GRK1: variants seen among roughly 807,000 people sequenced by gnomAD.
GRK1 encodes rhodopsin kinase GRK1.
In GRK1, 28 loss-of-function variants were observed where a neutral mutation model predicts 41.7. The observed-to-expected ratio is 0.67, with a 90% CI of 0.50 to 0.92. The LOEUF is 0.92. Among genes scored for constraint, GRK1 ranks in the 40% least tolerant of loss-of-function variants. The pLI, the probability that GRK1 is intolerant of heterozygous loss-of-function variation, is 0.00. For missense variants in GRK1, 703 were observed against 671.2 expected (o/e 1.05, Z -0.52); for synonymous variants, 327 against 286.7 (o/e 1.14, Z -1.42).
At chr13:113,667,010 C>A (rs1022510445), upstream of GRK1, 8 of 182,324 alleles carry the variant, frequency 4.4e-5, no homozygotes, top group South Asian at 1.4e-4. This position sits in a 1 kb window ranked among gnomAD's most constrained non-coding sequence, Gnocchi z 7.5. Context: ...CCAGGGGCCC[C>A]AGAAGCCTGG....
At chr13:113,650,667 A>G in the GRK1 span, among the ~76,000 whole-genome samples, 1 of 152,144 alleles carries the variant, frequency 6.6e-6, no homozygotes, top group Non-Finnish European at 1.5e-5. The surrounding 1 kb of genome is among the most constrained non-coding windows in gnomAD (Gnocchi z 5.0). Context: ...CTTTCTAATC[A>G]GTGCTGAGAT....
intron 4 of GRK1, among the ~76,000 whole-genome samples, chr13:113,727,808 G>T (rs1388445192): frequency 2.3e-4 from 10 of 43,952 alleles, no homozygotes; most frequent in African/African-American, 6.9e-4. Context: ...GAGGACCCAT[G>T]GCGATGAGGA....
intron 6 of GRK1, chr13:113,734,565 G>T (rs184987238): frequency 1.3e-5 from 2 of 152,872 alleles, no homozygotes; most frequent in Admixed American, 1.3e-4. Context: ...AGTGATGTCT[G>T]TGACCGGCTG....
the GRK1 span, chr13:113,658,299 C>T: frequency 2.8e-5 from 19 of 670,666 alleles, no homozygotes; most frequent in Admixed American, 1.8e-4. Flanking sequence ...CGTTTATCAG[C>T]GCCGGCCATC....
the GRK1 span, chr13:113,652,959 C>T: frequency 1.2e-6 from 2 of 1,614,232 alleles, no homozygotes; most frequent in Non-Finnish European, 1.7e-6. Flanking sequence ...TGCAGCATAT[C>T]TGCCGTGAAC....
chr13:113,734,878 G>A (rs2049991218), intron 6 of GRK1, 190 bp from the exon 7 acceptor site: 6 of 508,682 alleles, frequency 1.2e-5, no homozygotes, highest in Non-Finnish European at 2.0e-5. Flanking sequence ...CAGCTGTGTG[G>A]TCTCAGGGGA....
intron 4 of GRK1, among the ~76,000 whole-genome samples, chr13:113,728,000 G>GGAA (rs1334339073): frequency 1.4e-5 from 1 of 69,626 alleles, no homozygotes; most frequent in East Asian, 3.8e-4. Context: ...ATGGCGATGA[G>GGAA]TACCCATGGC....
upstream of GRK1, among the ~76,000 whole-genome samples, chr13:113,666,458 C>T (rs1407261016): frequency 6.6e-6 from 1 of 151,602 alleles, no homozygotes; most frequent in Non-Finnish European, 1.5e-5. Flanking sequence ...CCAGGTGTTC[C>T]CCAGGTGTGT....
chr13:113,734,120 C>T (rs1566700748), intron 6 of GRK1, among the ~76,000 whole-genome samples: 1 of 152,200 alleles, frequency 6.6e-6, no homozygotes, highest in Admixed American at 6.5e-5. Context: ...CACAGCCATA[C>T]CCTCTAGGAC....
chr13:113,649,962 A>C, the GRK1 span, among the ~76,000 whole-genome samples: 2 of 152,104 alleles, frequency 1.3e-5, no homozygotes, highest in Non-Finnish European at 2.9e-5. The surrounding 1 kb of genome is among the most constrained non-coding windows in gnomAD (Gnocchi z 4.7). Context: ...CAGGAGTTCA[A>C]GACCACCCTG....
rs2049996976 is a variant in GRK1, at chr13:113,735,448, T to A, written c.*85T>A. On this transcript the variant is annotated 3_prime_UTR_variant, in exon 7 of 7. Transcript: ENST00000335678. Reference sequence around the variant, plus strand: ...GCCTCCGTGGTGCCAGCCTGGGGTCTGCTAGCAAGGGGACACGTGGTTCCC... The same window carrying A: ...GCCTCCGTGGTGCCAGCCTGGGGTCAGCTAGCAAGGGGACACGTGGTTCCC... 2.9e-6 allele frequency: 4 copies of A among 1,383,304 alleles called. No homozygotes were observed. Among genetic ancestry groups the A allele is most frequent in the Non-Finnish European group, 3.8e-6 (4 of 1,055,952 alleles). 85.7% of individuals were successfully genotyped at this position (1,383,304 alleles called of 1,614,324 possible).
At position 113,668,623 on chromosome 13, in the gene GRK1, C is replaced by T. The variant is rs138863610; in HGVS notation, c.699+538C>T. Reference sequence around the variant, plus strand: ...CGGGGGTGGGAGTGAGCGACGGGCACGCAGGCCGCTCTAAGTTTCATCCGC... The same window carrying T: ...CGGGGGTGGGAGTGAGCGACGGGCATGCAGGCCGCTCTAAGTTTCATCCGC... On this transcript the variant is annotated intron_variant, in intron 1 of 6. Coordinates refer to ENST00000335678, the MANE Select transcript of GRK1 (RefSeq NM_002929.3). Among the ~76,000 whole-genome samples, 6 of 152,236 alleles carry T rather than the reference C, an allele frequency of 3.9e-5. No homozygotes were observed. The South Asian group carries it at 6.2e-4, about 16-fold the overall frequency.
chr13:113,658,024 C>G, the GRK1 span: 125 of 1,591,188 alleles, frequency 7.9e-5, 1 homozygote, highest in South Asian at 6.8e-4. Context: ...GCCCGCCCCC[C>G]GCACGTACCC....
At chr13:113,650,626 T>C in the GRK1 span, 4 of 662,874 alleles carry the variant, frequency 6.0e-6, no homozygotes, top group Non-Finnish European at 1.0e-5. This position sits in a 1 kb window ranked among gnomAD's most constrained non-coding sequence, Gnocchi z 5.0. Flanking sequence ...ATAAACACTT[T>C]ATTGCATACT....
At chr13:113,656,336 G>C in the GRK1 span, among the ~76,000 whole-genome samples, 2 of 152,322 alleles carry the variant, frequency 1.3e-5, no homozygotes, top group South Asian at 4.1e-4. Context: ...CTGCTCTGGG[G>C]CCCGTGGTGC....
chr13:113,652,749 C>G, the GRK1 span: 1 of 1,117,018 alleles, frequency 9.0e-7, no homozygotes, highest in Admixed American at 2.0e-5. Flanking sequence ...GGTGGTGAGG[C>G]TGGAGTCCCT....
Position 113,737,715 on chromosome 13 carries a change from T to A in GRK1, c.*2352T>A, listed in dbSNP as rs2050014806. Reference sequence around the variant, plus strand: ...TGGGAAGCAAACCTGGACTGCAAAATAAACCTCCCGGCCTCCTCCTGTCCT... The same window carrying A: ...TGGGAAGCAAACCTGGACTGCAAAAAAAACCTCCCGGCCTCCTCCTGTCCT... On this transcript the variant is annotated 3_prime_UTR_variant, in exon 7 of 7. Transcript: ENST00000335678. 6.5e-6 allele frequency: 1 copy of A among 152,754 alleles called. No homozygotes were observed. The highest frequency in any genetic ancestry group is 1.9e-4 in the East Asian group (1 of 5,194). 9.5% of individuals were successfully genotyped at this position (152,754 alleles called of 1,614,324 possible). A position where few individuals can be genotyped will look rare whatever the true frequency, so the allele number is the denominator to read the frequency against.
At chr13:113,654,670 T>G in the GRK1 span, 1 of 1,300,970 alleles carries the variant, frequency 7.7e-7, no homozygotes, top group Non-Finnish European at 1.0e-6. Flanking sequence ...CCTGCTGGGG[T>G]GTGTGGCTCA....
At chr13:113,653,072 C>A in the GRK1 span, 1 of 1,606,806 alleles carries the variant, frequency 6.2e-7, no homozygotes, top group Non-Finnish European at 8.5e-7. Flanking sequence ...TGGAGAGTAG[C>A]CTGCAGACGG....
Sources: allele counts gnomAD v4.1 joint callset (sites outside exome capture counted in the v4.1 genomes callset), GRCh38; gene constraint gnomAD v4.1.1; non-coding constraint Gnocchi (gnomAD v3.1); transcripts MANE v1.5; gene names NCBI Gene and HGNC (gene_info 2026-07-23, HGNC 2026-07-21).